The following TUSC3 variants were observed in gnomAD, a reference collection of about 807,000 sequenced individuals.
The protein encoded by TUSC3 is dolichyl-diphosphooligosaccharide--protein glycosyltransferase subunit TUSC3.
TUSC3 carries 45 observed loss-of-function variants against 44.8 expected under a neutral mutation model. That is an observed-to-expected ratio of 1.00 (90% CI 0.79 to 1.29). The LOEUF (loss-of-function observed/expected upper bound fraction) is 1.29, where lower values mean the gene tolerates loss of function less well. TUSC3 is among the 50% of genes most tolerant of loss of function. TUSC3 has a pLI of 0.00. For synonymous variants in TUSC3, 212 were observed against 152.9 expected, an observed-to-expected ratio of 1.39 and a Z score of -2.85; for missense variants, 519 against 437.9, an observed-to-expected ratio of 1.19 and a Z score of -1.65.
intron 1 of TUSC3, among the ~76,000 whole-genome samples, chr8:15,442,700 G>C (rs1006934634): frequency 1.2e-4 from 18 of 152,082 alleles, no homozygotes; most frequent in Admixed American, 6.5e-5. Context: ...CTGTCATCAG[G>C]ATAGGAAGAC....
At chr8:15,755,245 A>G (rs1256044134) in intron 9 of TUSC3, among the ~76,000 whole-genome samples, 1 of 152,120 alleles carries the variant, frequency 6.6e-6, no homozygotes, top group African/African-American at 2.4e-5. Context: ...ATAAATGGAG[A>G]TGATTTGTCA....
the TUSC3 span, among the ~76,000 whole-genome samples, chr8:15,814,730 T>C: frequency 6.6e-6 from 1 of 152,194 alleles, no homozygotes; most frequent in Non-Finnish European, 1.5e-5. Context: ...AGCTGACCTG[T>C]GGACTTAGAG....
intron 6 of TUSC3, among the ~76,000 whole-genome samples, chr8:15,703,330 C>T (rs1437225138): frequency 6.6e-6 from 1 of 152,050 alleles, no homozygotes; most frequent in African/African-American, 2.4e-5. Flanking sequence ...TCTATACTTT[C>T]AATTTCCTTT....
chr8:15,817,612 C>T, the TUSC3 span, among the ~76,000 whole-genome samples: 70,245 of 151,542 alleles, frequency 0.46, 18,675 homozygotes, highest in Non-Finnish European at 0.61. Flanking sequence ...TCCACCTCTG[C>T]TCTGCACTTC....
intron 6 of TUSC3, among the ~76,000 whole-genome samples, chr8:15,699,055 C>T (rs1809288276): frequency 6.6e-6 from 1 of 152,096 alleles, no homozygotes; most frequent in Admixed American, 6.5e-5. Context: ...GCTATGTCAT[C>T]TAGGCTGGTC....
At chr8:15,505,490 G>T (rs1041045485) in intron 2 of TUSC3, among the ~76,000 whole-genome samples, 2 of 152,122 alleles carry the variant, frequency 1.3e-5, no homozygotes, top group East Asian at 3.9e-4. Context: ...TCTCCAGCAG[G>T]GAACATCTGT....
the TUSC3 span, among the ~76,000 whole-genome samples, chr8:15,779,195 C>T: frequency 2.4e-4 from 36 of 147,928 alleles, no homozygotes; most frequent in East Asian, 3.4e-3. Flanking sequence ...CCAGTAGTAT[C>T]GGGGAAACCC....
chr8:15,681,815 T>C (rs1056426950), intron 6 of TUSC3, among the ~76,000 whole-genome samples: 1 of 152,084 alleles, frequency 6.6e-6, no homozygotes, highest in Non-Finnish European at 1.5e-5. Flanking sequence ...TATAAACATT[T>C]CTCTTAATAT....
At chr8:15,533,441 C>T (rs1436933774) in intron 2 of TUSC3, among the ~76,000 whole-genome samples, 1 of 152,162 alleles carries the variant, frequency 6.6e-6, no homozygotes, top group Non-Finnish European at 1.5e-5. Context: ...TGTCCTTTGT[C>T]TAATACCTGT....
chr8:15,611,590 C>G (rs2129159064), intron 1 of TUSC3, among the ~76,000 whole-genome samples: 1 of 152,248 alleles, frequency 6.6e-6, no homozygotes, highest in East Asian at 1.9e-4. Context: ...TGATTAACCT[C>G]TTGGAATTTT....
intron 1 of TUSC3, among the ~76,000 whole-genome samples, chr8:15,609,198 C>T (rs1004528455): frequency 1.3e-5 from 2 of 152,046 alleles, no homozygotes; most frequent in African/African-American, 2.4e-5. Flanking sequence ...TTTGTTTTGC[C>T]ACATTCTGTT....
intron 1 of TUSC3, among the ~76,000 whole-genome samples, chr8:15,417,696 C>T (rs1486611961): frequency 6.6e-6 from 1 of 152,186 alleles, no homozygotes; most frequent in Non-Finnish European, 1.5e-5. Flanking sequence ...TCATCACTGG[C>T]AGGCTGTGCT....
At chr8:15,711,140 C>G (rs1309879733) in intron 6 of TUSC3, among the ~76,000 whole-genome samples, 2 of 151,584 alleles carry the variant, frequency 1.3e-5, no homozygotes, top group East Asian at 1.9e-4. Context: ...TTCTTGTCCT[C>G]TCCTCTCACT....
At chr8:15,707,662 G>A (rs1203857054) in intron 6 of TUSC3, among the ~76,000 whole-genome samples, 1 of 151,948 alleles carries the variant, frequency 6.6e-6, no homozygotes, top group Non-Finnish European at 1.5e-5. Context: ...GACTCTATAG[G>A]AGATGTGGAA....
At chr8:15,571,939 G>A (rs1802894125) in intron 1 of TUSC3, among the ~76,000 whole-genome samples, 1 of 152,208 alleles carries the variant, frequency 6.6e-6, no homozygotes, top group Non-Finnish European at 1.5e-5. Context: ...CATAGGTGCT[G>A]TTTTTCATCC....
At chr8:15,758,559 T>C (rs1812032582) in intron 10 of TUSC3, among the ~76,000 whole-genome samples, 1 of 152,094 alleles carries the variant, frequency 6.6e-6, no homozygotes, top group South Asian at 2.1e-4. Context: ...CTTAATTCCA[T>C]TGTGGTAATA....
intron 3 of TUSC3, among the ~76,000 whole-genome samples, chr8:15,654,778 C>T (rs1471491833): frequency 1.3e-5 from 2 of 151,922 alleles, no homozygotes; most frequent in Non-Finnish European, 2.9e-5. Context: ...GCCTGGGTGA[C>T]ACAGCAAGAC....
chr8:15,466,405 C>T (rs1279302885), intron 1 of TUSC3, among the ~76,000 whole-genome samples: 1 of 152,030 alleles, frequency 6.6e-6, no homozygotes, highest in Non-Finnish European at 1.5e-5. Flanking sequence ...GTAAGTTAAT[C>T]TGGTATTTTG....
intron 1 of TUSC3, among the ~76,000 whole-genome samples, chr8:15,471,091 G>A (rs1196620434): frequency 6.6e-6 from 1 of 151,264 alleles, no homozygotes; most frequent in Non-Finnish European, 1.5e-5. Context: ...GTAATTACCT[G>A]TTTACTAACT....
Sources: gnomAD v4.1 joint callset for allele counts (sites outside exome capture counted in the v4.1 genomes callset) on GRCh38, gnomAD v4.1.1 for gene constraint, MANE v1.5 for transcripts, NCBI Gene and HGNC (gene_info 2026-07-23, HGNC 2026-07-21) for gene names.